Variants in PCDHGA8 observed in about 807,000 individuals in gnomAD.
The protein encoded by PCDHGA8 is protocadherin gamma subfamily A, 8, also known as protocadherin gamma-A8.
PCDHGA8 carries 45 observed loss-of-function variants against 59.2 expected under a neutral mutation model. That is an observed-to-expected ratio of 0.76 (90% CI 0.60 to 0.98). PCDHGA8 has a LOEUF of 0.98. Ranked by LOEUF, PCDHGA8 falls within the 50% of genes least tolerant of loss-of-function variation. The pLI is 0.00. For synonymous variants in PCDHGA8, 531 were observed against 519.0 expected (o/e 1.02, Z -0.32); for missense variants, 1,257 against 1,196.2 (o/e 1.05, Z -0.75).
intron 1 of PCDHGA8, among the ~76,000 whole-genome samples, chr5:141,454,538 C>G (rs1229435473): frequency 6.6e-6 from 1 of 152,110 alleles, no homozygotes; most frequent in African/African-American, 2.4e-5. Context: ...TCCCAAGTAG[C>G]TGAGATTACA....
chr5:141,400,080 C>T (rs375308173), intron 1 of PCDHGA8: 219 of 1,614,010 alleles, frequency 1.4e-4, no homozygotes, highest in East Asian at 2.9e-4. Flanking sequence ...CGCCACTCTC[C>T]GCCACCGCCA....
intron 1 of PCDHGA8, among the ~76,000 whole-genome samples, chr5:141,454,796 ATTTTTTTTTTTTTTTTTTT>A (rs61612330): frequency 3.9e-5 from 3 of 77,408 alleles, no homozygotes; most frequent in African/African-American, 1.2e-4. Context: ...CATGGTTCTA[ATTTTTTTTTTTTTTTTTTT>A]TTTTTTTTTT....
In PCDHGA8 at chr5:141,485,146, G is replaced by C; in HGVS notation, c.2425-9661G>C. 6.4e-7 allele frequency: 1 copy of C among 1,569,470 alleles called. No individual in the cohort carries two copies. Among genetic ancestry groups the C allele is most frequent in the Non-Finnish European group, 8.7e-7 (1 of 1,143,568 alleles). On this transcript the variant is annotated intron_variant, in intron 1 of 3. Transcript: ENST00000398604. The surrounding 1 kb of genome is among the most constrained non-coding windows in gnomAD (Gnocchi z 5.7). Reference sequence around the variant, plus strand: ...GGTCGGCTTCATCCGCGTCTCAGGAGCAAGTAGAGAATTAGCGGGCGGCAG... The same window carrying C: ...GGTCGGCTTCATCCGCGTCTCAGGACCAAGTAGAGAATTAGCGGGCGGCAG...
Position 141,474,403 on chromosome 5 carries a change from C to T in PCDHGA8, c.2425-20404C>T, listed in dbSNP as rs553745731. ...ATTTCTGCATTTCTAACAAGCTCCC[C>T]GGTGATGCCTAGACCATTGGTCCTC... is the stretch of plus-strand genomic sequence containing the variant. On this transcript the variant is annotated intron_variant, in intron 1 of 3. Coordinates refer to ENST00000398604, the MANE Select transcript of PCDHGA8 (RefSeq NM_032088.2). Among the ~76,000 whole-genome samples, 121 of 152,282 alleles carry T rather than the reference C, an allele frequency of 7.9e-4. 1 individual carries two copies. Among genetic ancestry groups the T allele is most frequent in the Admixed American group, 3.9e-3 (59 of 15,292 alleles).
chr5:141,404,517 A>G lies in PCDHGA8; in HGVS notation c.2424+9280A>G, dbSNP rs1268035794. On this transcript the variant is annotated intron_variant, in intron 1 of 3. Transcript: ENST00000398604. The stretch of plus-strand genomic sequence containing the variant: ...CTGTATGCTCTGTGCTCCTTTGACT[A>G]TGAGCAGTTTAGAGATTTGCAAATG... 5 of 1,613,938 alleles carry G rather than the reference A, an allele frequency of 3.1e-6. No homozygotes were observed. Among genetic ancestry groups the G allele is most frequent in the Non-Finnish European group, 3.4e-6 (4 of 1,179,844 alleles).
intron 1 of PCDHGA8, chr5:141,421,168 A>G: frequency 1.5e-6 from 2 of 1,331,612 alleles, no homozygotes; most frequent in South Asian, 1.5e-5. Context: ...TCATAGATAC[A>G]TAAGCCGATT....
chr5:141,489,080 C>CCCA lies in PCDHGA8; in HGVS notation c.2425-5727_2425-5726insCCA. On this transcript the variant is annotated intron_variant, in intron 1 of 3. Coordinates refer to ENST00000398604, the MANE Select transcript of PCDHGA8 (RefSeq NM_032088.2). This position sits in a 1 kb window ranked among gnomAD's most constrained non-coding sequence, Gnocchi z 4.5. ...TCCCCTCCCCCCTGCCCACCCCCGC[C>CCCA]ACTCGGTGACTAAGAACTGCTGCAA... 3.0e-6 allele frequency: 1 copy of CCCA among 336,172 alleles called. No individual in the cohort carries two copies. The highest frequency in any genetic ancestry group is 5.5e-5 in the East Asian group (1 of 18,342). 20.8% of individuals were successfully genotyped at this position (336,172 alleles called of 1,614,324 possible).
chr5:141,421,910 C>G, intron 1 of PCDHGA8: 1 of 1,613,716 alleles, frequency 6.2e-7, no homozygotes, highest in Non-Finnish European at 8.5e-7. Flanking sequence ...GGCGCAGTTC[C>G]CATTCGTGTG....
intron 1 of PCDHGA8, among the ~76,000 whole-genome samples, chr5:141,406,157 C>A: frequency 6.6e-6 from 1 of 151,124 alleles, no homozygotes. Flanking sequence ...ACTGCAGTCT[C>A]AATCTCCTGG....
At chr5:141,403,811 A>C in intron 1 of PCDHGA8, 1 of 1,613,930 alleles carries the variant, frequency 6.2e-7, no homozygotes, top group Non-Finnish European at 8.5e-7. Flanking sequence ...AATTAATGAA[A>C]AACAATCTCT....
chr5:141,475,908 A>G (rs531350638), intron 1 of PCDHGA8: 110 of 585,688 alleles, frequency 1.9e-4, no homozygotes, highest in Non-Finnish European at 2.5e-4. Context: ...CTGTCGGCCA[A>G]TGAAGACGCT....
At chr5:141,422,292 T>C in intron 1 of PCDHGA8, 1 of 1,552,434 alleles carries the variant, frequency 6.4e-7, no homozygotes. Context: ...CTTCTATTAA[T>C]TCAATTCTGG....
At chr5:141,415,394 C>A (rs893251079) in intron 1 of PCDHGA8, 29 of 1,614,110 alleles carry the variant, frequency 1.8e-5, no homozygotes, top group Non-Finnish European at 2.3e-5. Context: ...ACAGGTGTGT[C>A]CGGCTCGCAC....
At chr5:141,441,730 A>T in intron 1 of PCDHGA8, 1 of 362,750 alleles carries the variant, frequency 2.8e-6, no homozygotes, top group South Asian at 2.2e-5. Context: ...CGCGACCAGG[A>T]CTAGCTCGCG....
At chr5:141,508,961 A>C (rs991011427) in intron 3 of PCDHGA8, among the ~76,000 whole-genome samples, 2 of 151,978 alleles carry the variant, frequency 1.3e-5, no homozygotes, top group African/African-American at 4.8e-5. Context: ...TGTCAGCGGA[A>C]TGAAAGGGCT....
chr5:141,511,598 A>C lies in PCDHGA8; in HGVS notation c.*425A>C. ...GGTTGGGGTGTTGAAGTACCAAGTA[A>C]CCTACAAGCCTCCTAGTTCTGAAAA... On this transcript the variant is annotated 3_prime_UTR_variant, in exon 4 of 4. Transcript: ENST00000398604. 3.9e-6 allele frequency: 1 copy of C among 255,742 alleles called. No individual in the cohort carries two copies. The highest frequency in any genetic ancestry group is 7.8e-6 in the Non-Finnish European group (1 of 127,952). The allele number at this position is 255,742 out of a possible 1,614,324, so 15.8% of individuals were successfully genotyped here.
intron 1 of PCDHGA8, among the ~76,000 whole-genome samples, chr5:141,433,747 G>A (rs566709728): frequency 1.3e-5 from 2 of 150,990 alleles, no homozygotes; most frequent in East Asian, 4.0e-4. Context: ...TGAGTCAGGA[G>A]AATTGCTTTA....
intron 1 of PCDHGA8, among the ~76,000 whole-genome samples, chr5:141,474,705 A>C (rs114026580): frequency 0.01 from 1,561 of 152,324 alleles, 35 homozygotes; most frequent in African/African-American, 0.035. Context: ...TCAAGGTTCT[A>C]TTATACTTCA....
chr5:141,431,768 G>T lies in PCDHGA8; in HGVS notation c.2424+36531G>T. 6.2e-7 allele frequency: 1 copy of T among 1,614,218 alleles called. No individual in the cohort carries two copies. The highest frequency in any genetic ancestry group is 8.5e-7 in the Non-Finnish European group (1 of 1,180,036). On this transcript the variant is annotated intron_variant, in intron 1 of 3. Coordinates refer to ENST00000398604, the MANE Select transcript of PCDHGA8 (RefSeq NM_032088.2). The surrounding 1 kb of genome is among the most constrained non-coding windows in gnomAD (Gnocchi z 4.8). ...TGCGCGAGCCAAAGTCCTGATCACT[G>T]TTCTGGACGTGAACGACAATGCCCC...
Sources: allele counts gnomAD v4.1 joint callset (sites outside exome capture counted in the v4.1 genomes callset), GRCh38; gene constraint gnomAD v4.1.1; non-coding constraint Gnocchi (gnomAD v3.1); transcripts MANE v1.5; gene names NCBI Gene and HGNC (gene_info 2026-07-23, HGNC 2026-07-21).